The following FMN1 variants were observed in gnomAD, a reference collection of about 807,000 sequenced individuals.
The protein encoded by FMN1 is formin 1.
FMN1 carries 110 observed loss-of-function variants against 132.4 expected under a neutral mutation model. That is an observed-to-expected ratio of 0.83 (90% CI 0.71 to 0.97). The LOEUF (loss-of-function observed/expected upper bound fraction) is 0.97, where lower values mean the gene tolerates loss of function less well. FMN1 is among the 50% of genes least tolerant of loss of function. The pLI is 0.00. For missense variants in FMN1, 1,792 were observed against 1,705.3 expected, an observed-to-expected ratio of 1.05 and a Z score of -0.90; for synonymous variants, 722 against 651.7, an observed-to-expected ratio of 1.11 and a Z score of -1.64.
intron 6 of FMN1, among the ~76,000 whole-genome samples, chr15:33,043,893 G>A (rs924404644): frequency 2.0e-5 from 3 of 152,198 alleles, no homozygotes; most frequent in Non-Finnish European, 4.4e-5. Context: ...GCCCTCCTGG[G>A]TGCAGCTGCA....
At chr15:33,017,547 AAGG>A (rs1441840989) in intron 6 of FMN1, among the ~76,000 whole-genome samples, 1 of 152,212 alleles carries the variant, frequency 6.6e-6, no homozygotes, top group Non-Finnish European at 1.5e-5. Context: ...AACTTACAGA[AAGG>A]AGCCTAATTT....
rs116371670 is a variant in FMN1, at chr15:32,819,394, C to T, written c.3929-15062G>A. ...TGGATTTATATGGGTCGTTCTCACC[C>T]ACGATGACTTGTACCGTTTCAAAGG... On this transcript the variant is annotated intron_variant, in intron 17 of 20. Coordinates refer to ENST00000616417, the MANE Select transcript of FMN1 (RefSeq NM_001277313.2). Among the ~76,000 whole-genome samples, 315 of 152,306 alleles carry T rather than the reference C, an allele frequency of 2.1e-3. 2 individuals carry two copies. Among genetic ancestry groups the T allele is most frequent in the African/African-American group, 7.3e-3 (302 of 41,564 alleles).
chr15:32,873,854 G>T (rs148633034), intron 16 of FMN1, among the ~76,000 whole-genome samples: 2 of 152,090 alleles, frequency 1.3e-5, no homozygotes, highest in Non-Finnish European at 2.9e-5. Flanking sequence ...CCTGGGGAGC[G>T]CAAGGAATTT....
intron 4 of FMN1, among the ~76,000 whole-genome samples, chr15:33,117,859 TA>T (rs1434315989): frequency 6.6e-6 from 1 of 152,206 alleles, no homozygotes; most frequent in Non-Finnish European, 1.5e-5. Context: ...GAACTAAGAA[TA>T]AAGTTCAGAT....
At chr15:33,015,593 T>G (rs74804229) in intron 6 of FMN1, among the ~76,000 whole-genome samples, 2,823 of 152,210 alleles carry the variant, frequency 0.019, 89 homozygotes, top group African/African-American at 0.064. Flanking sequence ...CTCCACTGAG[T>G]AGGAAACATG....
intron 4 of FMN1, among the ~76,000 whole-genome samples, chr15:33,149,431 A>G (rs77458698): frequency 0.042 from 6,397 of 152,294 alleles, 463 homozygotes; most frequent in African/African-American, 0.15. Flanking sequence ...TCTAATGATG[A>G]ACATTCAAAT....
chr15:33,008,110 G>A (rs1308883778), intron 6 of FMN1, 35 bp from the exon 7 acceptor site: 4 of 1,536,104 alleles, frequency 2.6e-6, no homozygotes, highest in Non-Finnish European at 3.5e-6. Flanking sequence ...TTATAAAGAA[G>A]TACAAAATTA....
rs187315417 is a variant in FMN1, at chr15:33,103,559, T to C, written c.1868-14585A>G. ...CAAAGGATTCACTTTCGAGTTCCAA[T>C]GAATGGTTCAACAAATGTGTTCTCT... On this transcript the variant is annotated intron_variant, in intron 4 of 20. Coordinates refer to ENST00000616417, the MANE Select transcript of FMN1 (RefSeq NM_001277313.2). Among the ~76,000 whole-genome samples, 312 of 152,192 alleles carry C rather than the reference T, an allele frequency of 2.1e-3. 1 individual carries two copies. Among genetic ancestry groups the C allele is most frequent in the Non-Finnish European group, 3.7e-3 (251 of 67,980 alleles).
chr15:32,844,217 A>G (rs2058808673), intron 17 of FMN1, among the ~76,000 whole-genome samples: 1 of 152,210 alleles, frequency 6.6e-6, no homozygotes, highest in Non-Finnish European at 1.5e-5. Context: ...AAGGCCCATT[A>G]AAGTTGTTAA....
intron 7 of FMN1, among the ~76,000 whole-genome samples, chr15:32,989,819 T>C (rs1247753859): frequency 6.6e-6 from 1 of 152,148 alleles, no homozygotes; most frequent in African/African-American, 2.4e-5. Context: ...GGTAATCAAC[T>C]AGATGTGAAG....
At chr15:33,175,827 TCTGC>T (rs1965495381) in intron 3 of FMN1, among the ~76,000 whole-genome samples, 1 of 152,222 alleles carries the variant, frequency 6.6e-6, no homozygotes, top group Non-Finnish European at 1.5e-5. Context: ...AATAAAGGGT[TCTGC>T]CCCAGTCAAA....
At chr15:33,050,760 G>T (rs951179906) in intron 6 of FMN1, among the ~76,000 whole-genome samples, 1 of 152,146 alleles carries the variant, frequency 6.6e-6, no homozygotes, top group Non-Finnish European at 1.5e-5. Flanking sequence ...AAATATACAA[G>T]AATTTAATGA....
intron 16 of FMN1, among the ~76,000 whole-genome samples, chr15:32,861,887 T>G (rs1376430945): frequency 6.6e-6 from 1 of 152,122 alleles, no homozygotes; most frequent in African/African-American, 2.4e-5. Flanking sequence ...GCTTCGCGGT[T>G]TTGAAATTAG....
intron 4 of FMN1, among the ~76,000 whole-genome samples, chr15:33,120,486 T>A (rs894679694): frequency 3.9e-5 from 6 of 152,174 alleles, no homozygotes; most frequent in Non-Finnish European, 7.3e-5. Flanking sequence ...TGTTTATTGG[T>A]GGACATTCCA....
intron 9 of FMN1, among the ~76,000 whole-genome samples, chr15:32,949,117 C>A (rs1003348144): frequency 6.6e-6 from 1 of 151,856 alleles, no homozygotes; most frequent in African/African-American, 2.4e-5. Context: ...TTTAAAATTC[C>A]ATTATAATTA....
At chr15:33,097,637 G>A (rs573290491) in intron 4 of FMN1, among the ~76,000 whole-genome samples, 1 of 152,170 alleles carries the variant, frequency 6.6e-6, no homozygotes, top group African/African-American at 2.4e-5. Flanking sequence ...ATAGTGGGGA[G>A]GAGGGCAGAC....
At chr15:33,139,073 C>T (rs915182275) in intron 4 of FMN1, among the ~76,000 whole-genome samples, 2 of 152,298 alleles carry the variant, frequency 1.3e-5, no homozygotes, top group South Asian at 2.1e-4. Flanking sequence ...GATTATGACA[C>T]GTAACAGACT....
chr15:33,094,334 G>A (rs935138294), intron 4 of FMN1, among the ~76,000 whole-genome samples: 1 of 152,194 alleles, frequency 6.6e-6, no homozygotes, highest in African/African-American at 2.4e-5. Flanking sequence ...GATGGGAGAA[G>A]CAAGTAATTT....
At chr15:33,180,175 C>T (rs1965646290) in intron 3 of FMN1, 23 bp downstream of exon 3, 1 of 151,854 alleles carries the variant, frequency 6.6e-6, no homozygotes. Context: ...AAGCTGCTGC[C>T]ATGATTTAGT....
Sources: gnomAD v4.1 joint callset for allele counts (sites outside exome capture counted in the v4.1 genomes callset) on GRCh38, gnomAD v4.1.1 for gene constraint, MANE v1.5 for transcripts, NCBI Gene and HGNC (gene_info 2026-07-23, HGNC 2026-07-21) for gene names.